Variants in SHISA9 observed in about 807,000 individuals in gnomAD.
SHISA9 encodes the protein protein shisa-9.
SHISA9 carries 13 observed loss-of-function variants against 38.0 expected under a neutral mutation model. The observed-to-expected ratio is 0.34, with a 90% CI of 0.22 to 0.54. SHISA9 has a LOEUF of 0.54. Ranked by LOEUF, SHISA9 falls within the 20% of genes least tolerant of loss-of-function variation. SHISA9 has a pLI of 0.91. For synonymous variants in SHISA9, 275 were observed against 242.0 expected (o/e 1.14, Z -1.27); for missense variants, 538 against 575.8 (o/e 0.93, Z 0.67).
intron 2 of SHISA9, among the ~76,000 whole-genome samples, chr16:13,090,029 A>G (rs1217363276): frequency 6.6e-6 from 1 of 152,214 alleles, no homozygotes; most frequent in East Asian, 1.9e-4. Flanking sequence ...TTCAAAGAAC[A>G]TCTTTATTTC....
intron 2 of SHISA9, among the ~76,000 whole-genome samples, chr16:13,034,609 T>A (rs1339601944): frequency 6.6e-6 from 1 of 152,198 alleles, no homozygotes; most frequent in Non-Finnish European, 1.5e-5. Flanking sequence ...CATACTCTTT[T>A]CCATGTGACT....
chr16:13,453,916 C>T, the SHISA9 span, among the ~76,000 whole-genome samples: 12 of 152,124 alleles, frequency 7.9e-5, no homozygotes, highest in Non-Finnish European at 1.8e-4. Context: ...GAGGCTTGTC[C>T]GATCTATGTT....
the SHISA9 span, among the ~76,000 whole-genome samples, chr16:13,262,370 T>C: frequency 6.6e-6 from 1 of 152,172 alleles, no homozygotes; most frequent in Non-Finnish European, 1.5e-5. Context: ...AGCTCTCTTA[T>C]AAGCTTCTAG....
At chr16:13,372,090 C>T in the SHISA9 span, among the ~76,000 whole-genome samples, 2 of 152,124 alleles carry the variant, frequency 1.3e-5, no homozygotes, top group East Asian at 1.9e-4. Flanking sequence ...TATCTGCCCG[C>T]GGATTGATAT....
the SHISA9 span, among the ~76,000 whole-genome samples, chr16:13,359,269 TCAGGAGTTCAAAAC>T: frequency 1.0e-3 from 156 of 152,242 alleles, 1 homozygote; most frequent in African/African-American, 3.5e-3. Flanking sequence ...TCATTTGAGG[TCAGGAGTTCAAAAC>T]CAGCTTGGCT....
Position 13,019,960 on chromosome 16 carries a change from CCTCCTTCT to C in SHISA9, c.691+103146_691+103153del, listed in dbSNP as rs1567184299. On this transcript the variant is annotated intron_variant, in intron 2 of 4. Coordinates refer to ENST00000558583, the MANE Select transcript of SHISA9 (RefSeq NM_001145204.3). ...CTTTCTTTCTTTCTTTCTTTCTTTCCCTCCTTCTTTCCTTCCTTCCTTCCTTCCTTCCT... is the reference window on the plus strand; with the variant it reads ...CTTTCTTTCTTTCTTTCTTTCTTTCCTTCCTTCCTTCCTTCCTTCCTTCCT... Among the ~76,000 whole-genome samples the C allele has an allele frequency of 2.1e-3, 160 of 75,836 alleles. 9 individuals carry two copies. Among genetic ancestry groups the C allele is most frequent in the Middle Eastern group, 7.1e-3 (1 of 140 alleles). The allele number at this position is 75,836 out of a possible 152,430, so 49.8% of individuals were successfully genotyped here. A position where few individuals can be genotyped will look rare whatever the true frequency, so the allele number is the denominator to read the frequency against.
chr16:13,355,897 G>T, the SHISA9 span, among the ~76,000 whole-genome samples: 5,091 of 152,298 alleles, frequency 0.033, 179 homozygotes, highest in East Asian at 0.19. Context: ...AGTTCCAGGG[G>T]CTCCGGGAGT....
chr16:13,416,059 T>C, the SHISA9 span, among the ~76,000 whole-genome samples: 2 of 152,114 alleles, frequency 1.3e-5, no homozygotes, highest in African/African-American at 4.8e-5. Context: ...TATATGACTG[T>C]GATTGGTTTG....
intron 2 of SHISA9, among the ~76,000 whole-genome samples, chr16:13,121,179 A>AAAAT (rs1039814367): frequency 4.6e-5 from 7 of 152,052 alleles, no homozygotes; most frequent in African/African-American, 1.4e-4. Flanking sequence ...TTAATAAATT[A>AAAAT]AAATAAATAA....
intron 2 of SHISA9, among the ~76,000 whole-genome samples, chr16:13,037,361 T>G (rs1171265059): frequency 6.6e-6 from 1 of 152,110 alleles, no homozygotes; most frequent in African/African-American, 2.4e-5. Flanking sequence ...GAAGCTTTTT[T>G]TTTTCTCTCT....
intron 2 of SHISA9, among the ~76,000 whole-genome samples, chr16:13,084,195 C>A (rs915426776): frequency 6.6e-6 from 1 of 152,122 alleles, no homozygotes; most frequent in East Asian, 1.9e-4. Flanking sequence ...CCAAGCAATC[C>A]AAGTTCACAG....
At chr16:13,286,397 A>G in the SHISA9 span, among the ~76,000 whole-genome samples, 192 of 152,296 alleles carry the variant, frequency 1.3e-3, 1 homozygote, top group African/African-American at 4.5e-3. Flanking sequence ...ACAATTTTAT[A>G]TCCTATTTTT....
intron 2 of SHISA9, among the ~76,000 whole-genome samples, chr16:12,970,380 TAC>T (rs1567356943): frequency 1.8e-3 from 124 of 67,926 alleles, no homozygotes; most frequent in African/African-American, 6.5e-3. Context: ...CATATATATA[TAC>T]ATATATGTAT....
chr16:13,233,995 C>T (rs919110633), intron 4 of SHISA9, among the ~76,000 whole-genome samples: 5 of 151,894 alleles, frequency 3.3e-5, no homozygotes, highest in Non-Finnish European at 7.4e-5. Flanking sequence ...AGAGTAAGAT[C>T]CTGTCTGAAA....
At chr16:13,315,214 T>A in the SHISA9 span, among the ~76,000 whole-genome samples, 6 of 152,228 alleles carry the variant, frequency 3.9e-5, no homozygotes, top group African/African-American at 1.4e-4. Context: ...TGCTGACTGG[T>A]ACACAGTGAT....
chr16:13,091,715 G>C (rs532867679), intron 2 of SHISA9, among the ~76,000 whole-genome samples: 1 of 152,200 alleles, frequency 6.6e-6, no homozygotes, highest in Non-Finnish European at 1.5e-5. Flanking sequence ...CTTTTTTCAA[G>C]GTTTTTAGCT....
At chr16:13,193,612 C>T (rs2050908711) in intron 2 of SHISA9, among the ~76,000 whole-genome samples, 1 of 152,204 alleles carries the variant, frequency 6.6e-6, no homozygotes, top group African/African-American at 2.4e-5. Flanking sequence ...TCCCAAAGTG[C>T]TGTGATTACA....
At chr16:13,328,284 T>C in the SHISA9 span, among the ~76,000 whole-genome samples, 1 of 152,134 alleles carries the variant, frequency 6.6e-6, no homozygotes, top group Admixed American at 6.5e-5. Context: ...CTGTTTCTAG[T>C]TAGAGTCTAT....
intron 2 of SHISA9, among the ~76,000 whole-genome samples, chr16:13,019,869 TCCCTCCC>T (rs2072813614): frequency 9.2e-5 from 3 of 32,664 alleles, no homozygotes; most frequent in East Asian, 2.2e-3. Context: ...CCTCCCTCCC[TCCCTCCC>T]TCCCTCCCTT....
Sources: gnomAD v4.1 joint callset for allele counts (sites outside exome capture counted in the v4.1 genomes callset) on GRCh38, gnomAD v4.1.1 for gene constraint, MANE v1.5 for transcripts, NCBI Gene and HGNC (gene_info 2026-07-23, HGNC 2026-07-21) for gene names.